Variants in C6orf136 observed in about 807,000 individuals in gnomAD.
C6orf136 encodes uncharacterized protein C6orf136.
A neutral mutation model predicts 44.0 loss-of-function variants in C6orf136; 29 were observed. The ratio of observed to expected loss-of-function variants is 0.66; its 90% CI spans 0.49 to 0.90. The LOEUF (loss-of-function observed/expected upper bound fraction) is 0.90, where lower values mean the gene tolerates loss of function less well. Among genes scored for constraint, C6orf136 ranks in the 40% least tolerant of loss-of-function variants. The pLI is 0.00. For synonymous variants in C6orf136, 293 were observed against 278.6 expected (o/e 1.05, Z -0.52); for missense variants, 628 against 669.3 (o/e 0.94, Z 0.68).
chr6:30,652,964 G>C lies in C6orf136; in HGVS notation c.*49G>C. 1 of 1,524,128 alleles carries C rather than the reference G, an allele frequency of 6.6e-7. No homozygotes were observed. The allele number at this position is 1,524,128 out of a possible 1,614,324, so 94.4% of individuals were successfully genotyped here. A position where few individuals can be genotyped will look rare whatever the true frequency, so the allele number is the denominator to read the frequency against. The stretch of plus-strand genomic sequence containing the variant: ...GCACTGAAGACTGCTACGCCCAAGA[G>C]AAGGAGGTGGAGGCAGCCAAGAATC... On this transcript the variant is annotated 3_prime_UTR_variant, in exon 6 of 6. Coordinates refer to ENST00000651131, the MANE Select transcript of C6orf136 (RefSeq NM_001161376.2).
rs573491054 is a variant in C6orf136, at chr6:30,650,595, C to T, written c.1018-399C>T. On this transcript the variant is annotated intron_variant, in intron 2 of 5. Transcript: ENST00000651131. The stretch of plus-strand genomic sequence containing the variant: ...GTCAGGAGTTCAAGACCAGCCTGGC[C>T]AACACAGTGAAACCCCGTCTCTACT... Among the ~76,000 whole-genome samples, 3 of 152,110 alleles carry T rather than the reference C, an allele frequency of 2.0e-5. No homozygotes were observed. In the East Asian group the frequency reaches 5.8e-4, roughly 29 times the overall value.
chr6:30,651,184 C>T, intron 3 of C6orf136, 82 bp from the exon 4 acceptor site: 1 of 1,572,918 alleles, frequency 6.4e-7, no homozygotes. Context: ...CTGCTTCTCA[C>T]AGCTGTTCCC....
chr6:30,647,949 C>T lies in C6orf136; in HGVS notation c.615+103C>T. ...TGAGGCCTAACTTTGGGTGACCTCCCCTTGCAGTTTCAACGTCGGTAAACC... is the reference window on the plus strand; with the variant it reads ...TGAGGCCTAACTTTGGGTGACCTCCTCTTGCAGTTTCAACGTCGGTAAACC... On this transcript the variant is annotated intron_variant, in intron 1 of 5. Coordinates refer to ENST00000651131, the MANE Select transcript of C6orf136 (RefSeq NM_001161376.2). This position sits in a 1 kb window ranked among gnomAD's most constrained non-coding sequence, Gnocchi z 4.8. The T allele has an allele frequency of 2.1e-6, 3 of 1,403,836 alleles. No homozygotes were observed. Among genetic ancestry groups the T allele is most frequent in the Non-Finnish European group, 2.8e-6 (3 of 1,080,152 alleles). 87.0% of individuals were successfully genotyped at this position (1,403,836 alleles called of 1,614,324 possible).
At position 30,651,373 on chromosome 6, in the gene C6orf136, A is replaced by G; in HGVS notation, c.1214A>G (p.Asn405Ser). 1 of 1,613,810 alleles carries G rather than the reference A, an allele frequency of 6.2e-7. No homozygotes were observed. The highest frequency in any genetic ancestry group is 1.1e-5 in the South Asian group (1 of 91,078). Residue 405 changes from asparagine to serine, a missense_variant, in exon 4 of 6, where the codon AAC becomes AGC. Physicochemically the swap from Asn to Ser is conservative, Grantham distance 46. Around this residue, in one of 2 missense-constraint regions of C6orf136, gnomAD observed 131 missense variants for 200.1 expected, o/e 0.65. Coordinates refer to ENST00000651131, the MANE Select transcript of C6orf136 (RefSeq NM_001161376.2). ...TTACAGCTGACCCGCCACCCTGAGA[A>G]CTGGACCCTGCAAGCCCGGTGGCGG... ...EVLQLTRHPE[N>S]WTLQARWRLV...
In C6orf136 at chr6:30,647,948, C is replaced by A. The variant is rs143403912; in HGVS notation, c.615+102C>A. 6.2e-4 allele frequency: 873 copies of A among 1,403,134 alleles called. 9 individuals carry two copies. In the East Asian group the frequency reaches 0.021, roughly 34 times the overall value. The allele number at this position is 1,403,134 out of a possible 1,614,324, so 86.9% of individuals were successfully genotyped here. On this transcript the variant is annotated intron_variant, in intron 1 of 5. Transcript: ENST00000651131. This position sits in a 1 kb window ranked among gnomAD's most constrained non-coding sequence, Gnocchi z 4.8. ...GTGAGGCCTAACTTTGGGTGACCTC[C>A]CCTTGCAGTTTCAACGTCGGTAAAC... is the stretch of plus-strand genomic sequence containing the variant.
Position 30,653,036 on chromosome 6 carries a change from A to G in C6orf136, c.*121A>G. 1 of 1,120,000 alleles carries G rather than the reference A, an allele frequency of 8.9e-7. No homozygotes were observed. 69.4% of individuals were successfully genotyped at this position (1,120,000 alleles called of 1,614,324 possible). ...TCGTTTCTCTCCTTCCTTCCTTTCCATCTCATGCTGTGTAAAGCTGCTGTG... is the reference window on the plus strand; with the variant it reads ...TCGTTTCTCTCCTTCCTTCCTTTCCGTCTCATGCTGTGTAAAGCTGCTGTG... On this transcript the variant is annotated 3_prime_UTR_variant, in exon 6 of 6. Coordinates refer to ENST00000651131, the MANE Select transcript of C6orf136 (RefSeq NM_001161376.2).
In C6orf136 at chr6:30,647,621, CA is replaced by C; in HGVS notation, c.391del (p.Arg131GlyfsTer206). On this transcript the variant is annotated frameshift_variant, in exon 1 of 6. Transcript: ENST00000651131. LOFTEE classifies it high-confidence loss of function. This position sits in a 1 kb window ranked among gnomAD's most constrained non-coding sequence, Gnocchi z 4.8. ...CTGTGCCTAGAGGTGATTTGAAGGGCAGGGGCCGAGAGATTCGTAGCCCTGC... is the reference window on the plus strand; with the variant it reads ...CTGTGCCTAGAGGTGATTTGAAGGGCGGGGCCGAGAGATTCGTAGCCCTGC... ...LPVPRGDLKG[R>X]GREIRSPAAA... 2 of 1,549,722 alleles carry C rather than the reference CA, an allele frequency of 1.3e-6. No individual in the cohort carries two copies. The highest frequency in any genetic ancestry group is 2.4e-5 in the South Asian group (2 of 83,994).
chr6:30,647,540 G>C lies in C6orf136; in HGVS notation c.309G>C (p.Arg103=). 2.0e-6 allele frequency: 3 copies of C among 1,526,204 alleles called. No homozygotes were observed. Among genetic ancestry groups the C allele is most frequent in the Non-Finnish European group, 2.7e-6 (3 of 1,130,254 alleles). 94.5% of individuals were successfully genotyped at this position (1,526,204 alleles called of 1,614,324 possible). ...SVLPGLRAVR[R]GQGQAAGRVC... ...TCCCAGGTTTGAGGGCGGTCAGGCG[G>C]GGTCAAGGCCAGGCAGCGGGGCGCG... is the stretch of plus-strand genomic sequence containing the variant. Residue 103 remains arginine (R), a synonymous_variant, in exon 1 of 6, where the codon CGG becomes CGC. Coordinates refer to ENST00000651131, the MANE Select transcript of C6orf136 (RefSeq NM_001161376.2). The surrounding 1 kb of genome is among the most constrained non-coding windows in gnomAD (Gnocchi z 4.8).
chr6:30,652,279 AC>A (rs1767502848), intron 4 of C6orf136, among the ~76,000 whole-genome samples: 1 of 132,280 alleles, frequency 7.6e-6, no homozygotes, highest in African/African-American at 2.8e-5. Flanking sequence ...ACACACACAC[AC>A]ACAAAAGTAC....
Position 30,652,814 on chromosome 6 carries a change from C to T in C6orf136, c.1390C>T (p.His464Tyr), listed in dbSNP as rs1317549840. 6.2e-7 allele frequency: 1 copy of T among 1,613,114 alleles called. No individual in the cohort carries two copies. ...RHRLDKLMPSHSPPTPVKKLL... is the reference protein window; with the variant it reads ...RHRLDKLMPSYSPPTPVKKLL... Reference sequence around the variant, plus strand: ...TTTCTCCCTGCAGCTGATGCCTTCACACTCACCTCCAACGCCTGTGAAGAA... The same window carrying T: ...TTTCTCCCTGCAGCTGATGCCTTCATACTCACCTCCAACGCCTGTGAAGAA... Residue 464 changes from histidine (H) to tyrosine (Y), a missense_variant, in exon 6 of 6, where the codon CAC becomes TAC. His to Tyr is a moderately conservative substitution (Grantham distance 83). Transcript: ENST00000651131.
At chr6:30,650,457 C>A (rs965415407) in intron 2 of C6orf136, among the ~76,000 whole-genome samples, 2 of 151,494 alleles carry the variant, frequency 1.3e-5, no homozygotes, top group African/African-American at 2.4e-5. Context: ...GGGATGAGAT[C>A]TTTCACTCCA....
Position 30,647,146 on chromosome 6 carries a change from C to T in C6orf136, c.-86C>T. 1.1e-6 allele frequency: 1 copy of T among 891,474 alleles called. No individual in the cohort carries two copies. The highest frequency in any genetic ancestry group is 1.5e-6 in the Non-Finnish European group (1 of 662,940). The allele number at this position is 891,474 out of a possible 1,614,324, so 55.2% of individuals were successfully genotyped here. A position where few individuals can be genotyped will look rare whatever the true frequency, so the allele number is the denominator to read the frequency against. On this transcript the variant is annotated 5_prime_UTR_variant, in exon 1 of 6. Transcript: ENST00000651131. This position sits in a 1 kb window ranked among gnomAD's most constrained non-coding sequence, Gnocchi z 4.8. ...CCCCGCCCCGGCCTCCTTTCCCCTT[C>T]ACGAAGCCGGCTCTGGGGCGCGCTC... is the stretch of plus-strand genomic sequence containing the variant.
chr6:30,648,097 CATT>C (rs1381037751), intron 1 of C6orf136, among the ~76,000 whole-genome samples: 1 of 152,190 alleles, frequency 6.6e-6, no homozygotes, highest in Non-Finnish European at 1.5e-5. Flanking sequence ...TGTTTACATT[CATT>C]ATTTCATATA....
intron 4 of C6orf136, 149 bp downstream of exon 4, chr6:30,651,615 T>C: frequency 1.3e-6 from 1 of 770,218 alleles, no homozygotes; most frequent in Non-Finnish European, 2.1e-6. Flanking sequence ...CCAGCAATTC[T>C]CCAGCCTCAG....
At position 30,649,706 on chromosome 6, in the gene C6orf136, C is replaced by T. The variant is rs776651512; in HGVS notation, c.764C>T (p.Pro255Leu). ...RLPQVPPLPL[P>L]QIQALSSAWV... The stretch of plus-strand genomic sequence containing the variant: ...CCCCAGGTTCCCCCACTACCTCTCC[C>T]TCAGATCCAGGCCCTCAGCTCAGCA... Residue 255 changes from proline to leucine, a missense_variant, in exon 2 of 6, where the codon CCT becomes CTT. Pro to Leu is a moderately conservative substitution (Grantham distance 98). This residue lies in a region of C6orf136 where 497 missense variants were observed against 469.2 expected (regional missense o/e 1.06). Coordinates refer to ENST00000651131, the MANE Select transcript of C6orf136 (RefSeq NM_001161376.2). The T allele has an allele frequency of 1.5e-5, 24 of 1,612,702 alleles. No individual in the cohort carries two copies. Among genetic ancestry groups the T allele is most frequent in the Non-Finnish European group, 1.9e-5 (23 of 1,179,598 alleles).
At position 30,647,191 on chromosome 6, in the gene C6orf136, A is replaced by G; in HGVS notation, c.-41A>G. The G allele has an allele frequency of 7.3e-7, 1 of 1,364,442 alleles. No homozygotes were observed. The highest frequency in any genetic ancestry group is 9.6e-7 in the Non-Finnish European group (1 of 1,045,082). 84.5% of individuals were successfully genotyped at this position (1,364,442 alleles called of 1,614,324 possible). A position where few individuals can be genotyped will look rare whatever the true frequency, so the allele number is the denominator to read the frequency against. ...GCGCTCACCCCTGTGAGGAGGCCGG[A>G]GGTCGGACTCAGGAGGCTCCTTCTC... On this transcript the variant is annotated 5_prime_UTR_variant, in exon 1 of 6. Coordinates refer to ENST00000651131, the MANE Select transcript of C6orf136 (RefSeq NM_001161376.2). This position sits in a 1 kb window ranked among gnomAD's most constrained non-coding sequence, Gnocchi z 4.8.
In C6orf136 at chr6:30,651,932, C is replaced by T. The variant is rs192754536; in HGVS notation, c.1307+466C>T. Among the ~76,000 whole-genome samples the T allele has an allele frequency of 2.8e-3, 422 of 152,156 alleles. 2 individuals are homozygous for T. Among genetic ancestry groups the T allele is most frequent in the Non-Finnish European group, 5.0e-3 (340 of 68,002 alleles). ...AGCTTCAGTTTCTTCCTATACAGTGCCTAGCACATGGTAGGTACTCAAATA... is the reference window on the plus strand; with the variant it reads ...AGCTTCAGTTTCTTCCTATACAGTGTCTAGCACATGGTAGGTACTCAAATA... On this transcript the variant is annotated intron_variant, in intron 4 of 5. Coordinates refer to ENST00000651131, the MANE Select transcript of C6orf136 (RefSeq NM_001161376.2).
chr6:30,651,237 G>T lies in C6orf136; in HGVS notation c.1107-29G>T, dbSNP rs1767379158. Reference sequence around the variant, plus strand: ...TTTGGTTTTCTAATTCTGCCATCATGAGATTTCTTTCCCATCCCTTCTTCA... The same window carrying T: ...TTTGGTTTTCTAATTCTGCCATCATTAGATTTCTTTCCCATCCCTTCTTCA... On this transcript the variant is annotated intron_variant, in intron 3 of 5. Coordinates refer to ENST00000651131, the MANE Select transcript of C6orf136 (RefSeq NM_001161376.2). 3 of 1,612,534 alleles carry T rather than the reference G, an allele frequency of 1.9e-6. No homozygotes were observed. The East Asian group carries it at 6.7e-5, about 36-fold the overall frequency.
chr6:30,647,269 G>A lies in C6orf136; in HGVS notation c.38G>A (p.Gly13Asp), dbSNP rs1164416885. 6.2e-7 allele frequency: 1 copy of A among 1,600,354 alleles called. No homozygotes were observed. Among genetic ancestry groups the A allele is most frequent in the Non-Finnish European group, 8.5e-7 (1 of 1,175,666 alleles). ...AGCCGGGGTGCGGCCCGGCGTCTCGGCCCTTGCCTGCGCGCCTACCAGGCT... is the reference window on the plus strand; with the variant it reads ...AGCCGGGGTGCGGCCCGGCGTCTCGACCCTTGCCTGCGCGCCTACCAGGCT... ...QPSRGAARRLGPCLRAYQARP... is the reference protein window; with the variant it reads ...QPSRGAARRLDPCLRAYQARP... The change falls in exon 1 of 6, where the codon GGC becomes GAC. Residue 13 changes from glycine (G) to aspartate (D), a missense_variant. By Grantham distance (94) the Gly-to-Asp change is moderately conservative. Transcript: ENST00000651131. This position sits in a 1 kb window ranked among gnomAD's most constrained non-coding sequence, Gnocchi z 4.8.
Sources: gnomAD v4.1 joint callset for allele counts (sites outside exome capture counted in the v4.1 genomes callset) on GRCh38, gnomAD v4.1.1 for gene constraint, gnomAD v4.1.1 regional missense constraint, Gnocchi (gnomAD v3.1) non-coding constraint, MANE v1.5 for transcripts, NCBI Gene and HGNC (gene_info 2026-07-23, HGNC 2026-07-21) for gene names.